THAP4: variants seen among roughly 807,000 people sequenced by gnomAD.
THAP4 encodes THAP domain containing 4, also known as peroxynitrite isomerase THAP4.
In THAP4, 18 loss-of-function variants were observed where a neutral mutation model predicts 48.1. That is an observed-to-expected ratio of 0.37 (90% CI 0.26 to 0.56). The LOEUF is 0.56. Among genes scored for constraint, THAP4 ranks in the 20% least tolerant of loss-of-function variants. THAP4 has a pLI of 0.78. For synonymous variants in THAP4, 345 were observed against 324.9 expected (o/e 1.06, Z -0.66); for missense variants, 656 against 774.9 (o/e 0.85, Z 1.82).
At chr2:241,588,711 G>T (rs111992599) in intron 5 of THAP4, among the ~76,000 whole-genome samples, 1 of 152,164 alleles carries the variant, frequency 6.6e-6, no homozygotes, top group Non-Finnish European at 1.5e-5. Flanking sequence ...TGCTGGAAAC[G>T]AGGTATCTGT....
Position 241,635,966 on chromosome 2 carries a change from A to AC in THAP4, c.77+974dup, listed in dbSNP as rs536207768. ...ACACTGTGAGGCCAACTGCAAAGGT[A>AC]CCCCCCCACCCCCAATTCCGATGTC... On this transcript the variant is annotated intron_variant, in intron 1 of 5. Coordinates refer to ENST00000407315, the MANE Select transcript of THAP4 (RefSeq NM_015963.6). Among the ~76,000 whole-genome samples, 210 of 151,406 alleles carry AC rather than the reference A, an allele frequency of 1.4e-3. 1 individual carries two copies. Among genetic ancestry groups the AC allele is most frequent in the African/African-American group, 4.7e-3 (194 of 41,272 alleles).
chr2:241,588,041 G>C (rs1169267206), intron 5 of THAP4, among the ~76,000 whole-genome samples: 1 of 142,080 alleles, frequency 7.0e-6, no homozygotes, highest in East Asian at 2.3e-4. Flanking sequence ...GGAAGGGAGG[G>C]AGGGAGGGAG....
rs2067348193 is a variant in THAP4 at position 241,616,388 on chromosome 2, G to A, written c.1241-9915C>T. Among the ~76,000 whole-genome samples the A allele has an allele frequency of 6.6e-6, 1 of 152,204 alleles. No homozygotes were observed. Among genetic ancestry groups the A allele is most frequent in the Non-Finnish European group, 1.5e-5 (1 of 68,028 alleles). The stretch of plus-strand genomic sequence containing the variant: ...CGAGCCCTGGCATCAGGACCAGAGA[G>A]GCCCACCACAGAGCGGGTAAGCAGT... On this transcript the variant is annotated intron_variant, in intron 2 of 5. Coordinates refer to ENST00000407315, the MANE Select transcript of THAP4 (RefSeq NM_015963.6). This position sits in a 1 kb window ranked among gnomAD's most constrained non-coding sequence, Gnocchi z 4.6.
intron 2 of THAP4, among the ~76,000 whole-genome samples, chr2:241,630,469 G>A (rs2067543017): frequency 6.6e-6 from 1 of 152,212 alleles, no homozygotes; most frequent in Non-Finnish European, 1.5e-5. Flanking sequence ...AAGAGGAACA[G>A]AGAGAAGCTG....
chr2:241,588,968 G>A (rs965526804), intron 5 of THAP4, among the ~76,000 whole-genome samples: 9 of 152,092 alleles, frequency 5.9e-5, no homozygotes, highest in South Asian at 4.1e-4. Flanking sequence ...TCATCTCAGC[G>A]CTTTGGGAGA....
chr2:241,594,269 C>G (rs2067022783), intron 5 of THAP4, among the ~76,000 whole-genome samples: 1 of 152,030 alleles, frequency 6.6e-6, no homozygotes, highest in Admixed American at 6.6e-5. Flanking sequence ...CTAAAGGGTA[C>G]CAGGTGTCTT....
At chr2:241,624,341 G>T (rs555925332) in intron 2 of THAP4, among the ~76,000 whole-genome samples, 1 of 152,250 alleles carries the variant, frequency 6.6e-6, no homozygotes, top group East Asian at 1.9e-4. Context: ...CAAAAAATTA[G>T]CTGGGTGTGG....
Position 241,612,843 on chromosome 2 carries a change from C to T in THAP4, c.1241-6370G>A, listed in dbSNP as rs1293889295. On this transcript the variant is annotated intron_variant, in intron 2 of 5. Coordinates refer to ENST00000407315, the MANE Select transcript of THAP4 (RefSeq NM_015963.6). This position sits in a 1 kb window ranked among gnomAD's most constrained non-coding sequence, Gnocchi z 4.1. ...GTGGCAAGGATGCTACGGCTGGCCA[C>T]AGCGATCCTTCCAGATTGCAGGCGC... is the stretch of plus-strand genomic sequence containing the variant. Among the ~76,000 whole-genome samples the T allele has an allele frequency of 6.6e-6, 1 of 152,208 alleles. No homozygotes were observed. The highest frequency in any genetic ancestry group is 2.4e-5 in the African/African-American group (1 of 41,470).
At chr2:241,635,239 C>A (rs2067620210) in intron 1 of THAP4, among the ~76,000 whole-genome samples, 1 of 152,130 alleles carries the variant, frequency 6.6e-6, no homozygotes, top group African/African-American at 2.4e-5. Context: ...GAGCTACGGT[C>A]ATACCATTGC....
intron 4 of THAP4, among the ~76,000 whole-genome samples, chr2:241,602,369 T>C (rs1027885338): frequency 4.0e-5 from 6 of 150,876 alleles, no homozygotes; most frequent in African/African-American, 1.5e-4. Flanking sequence ...TTTTTTTTTT[T>C]TTCTTTTTTT....
At chr2:241,625,797 C>CAAAAAAAAAAAAAAAAAAAA (rs147602587) in intron 2 of THAP4, among the ~76,000 whole-genome samples, 1 of 50,156 alleles carries the variant, frequency 2.0e-5, no homozygotes, top group Non-Finnish European at 3.2e-5. Context: ...GACTCCGTCT[C>CAAAAAAAAAAAAAAAAAAAA]AAAAAAAAAA....
intron 5 of THAP4, among the ~76,000 whole-genome samples, chr2:241,597,051 G>C (rs1575020780): frequency 6.6e-6 from 1 of 152,198 alleles, no homozygotes. Flanking sequence ...TTTCACTCAT[G>C]AAGTGAGAAA....
intron 5 of THAP4, among the ~76,000 whole-genome samples, chr2:241,588,946 G>C (rs1426989703): frequency 1.3e-5 from 2 of 152,176 alleles, no homozygotes; most frequent in African/African-American, 4.8e-5. Context: ...TGCGCATGGT[G>C]GCTCACGCCT....
chr2:241,618,371 G>A (rs867866313), intron 2 of THAP4, among the ~76,000 whole-genome samples: 1 of 152,196 alleles, frequency 6.6e-6, no homozygotes, highest in African/African-American at 2.4e-5. Flanking sequence ...TCGTTAATCT[G>A]AGTCTCAATT....
At chr2:241,630,779 CAAA>C (rs1171134229) in intron 2 of THAP4, among the ~76,000 whole-genome samples, 2 of 61,212 alleles carry the variant, frequency 3.3e-5, no homozygotes, top group Non-Finnish European at 7.0e-5. Flanking sequence ...AACTCCGTCT[CAAA>C]AAAAAAAAAA....
intron 3 of THAP4, among the ~76,000 whole-genome samples, chr2:241,605,541 G>C (rs545227032): frequency 6.6e-6 from 1 of 152,260 alleles, no homozygotes; most frequent in South Asian, 2.1e-4. Context: ...TTCTCCACCT[G>C]TGGGGAGCAG....
At chr2:241,614,359 T>C (rs2067313059) in intron 2 of THAP4, among the ~76,000 whole-genome samples, 1 of 152,048 alleles carries the variant, frequency 6.6e-6, no homozygotes, top group Admixed American at 6.5e-5. Context: ...CTCTCCCGAA[T>C]GAAGGGCAGA....
intron 2 of THAP4, among the ~76,000 whole-genome samples, chr2:241,622,945 C>T (rs947723098): frequency 4.6e-5 from 7 of 152,056 alleles, no homozygotes; most frequent in Admixed American, 2.6e-4. Flanking sequence ...AGGCCAGGCA[C>T]GGTGGCTCAC....
chr2:241,617,494 C>G (rs956786477), intron 2 of THAP4: 1 of 1,545,700 alleles, frequency 6.5e-7, no homozygotes, highest in Non-Finnish European at 8.7e-7. Context: ...AATGTTTGCA[C>G]CTGGCTCTTA....
Sources: gnomAD v4.1 joint callset for allele counts (sites outside exome capture counted in the v4.1 genomes callset) on GRCh38, gnomAD v4.1.1 for gene constraint, Gnocchi (gnomAD v3.1) non-coding constraint, MANE v1.5 for transcripts, NCBI Gene and HGNC (gene_info 2026-07-23, HGNC 2026-07-21) for gene names.